Variants in AGBL1 observed in about 807,000 individuals in gnomAD.
AGBL1 encodes AGBL carboxypeptidase 1.
Under a neutral mutation model 118.9 loss-of-function variants are expected in AGBL1, and 130 were observed. The observed-to-expected ratio is 1.09, with a 90% CI of 0.95 to 1.26. The LOEUF is 1.26. Among genes scored for constraint, AGBL1 ranks in the 50% most tolerant of loss-of-function variants. The pLI, the probability that AGBL1 is intolerant of heterozygous loss-of-function variation, is 0.00. For missense variants in AGBL1, 1,584 were observed against 1,298.1 expected (o/e 1.22, Z -3.38); for synonymous variants, 555 against 478.9 (o/e 1.16, Z -2.08).
chr15:86,948,737 G>T (rs2080850324), intron 23 of AGBL1, among the ~76,000 whole-genome samples: 1 of 152,226 alleles, frequency 6.6e-6, no homozygotes, highest in African/African-American at 2.4e-5. Flanking sequence ...AATGAGCAGA[G>T]TGCCATTGAT....
At chr15:86,302,710 T>C (rs996097485) in intron 17 of AGBL1, among the ~76,000 whole-genome samples, 2 of 138,230 alleles carry the variant, frequency 1.4e-5, no homozygotes, top group Non-Finnish European at 3.0e-5. Flanking sequence ...TCCCAGGAGG[T>C]GGAGGTTACA....
At chr15:86,785,797 A>G (rs574002573) in intron 22 of AGBL1, among the ~76,000 whole-genome samples, 1 of 152,324 alleles carries the variant, frequency 6.6e-6, no homozygotes, top group African/African-American at 2.4e-5. Flanking sequence ...TCGAACCCCA[A>G]GAGAACTGAG....
At chr15:86,892,751 GA>G (rs903305100) in intron 22 of AGBL1, among the ~76,000 whole-genome samples, 1 of 151,028 alleles carries the variant, frequency 6.6e-6, no homozygotes, top group Non-Finnish European at 1.5e-5. Flanking sequence ...CTGGAGTTAA[GA>G]AAAAAAAACC....
chr15:86,208,994 C>T (rs1310786275), intron 5 of AGBL1, among the ~76,000 whole-genome samples: 3 of 152,050 alleles, frequency 2.0e-5, no homozygotes, highest in Non-Finnish European at 4.4e-5. Context: ...TAAATGTGTC[C>T]CAGAGATTAT....
intron 18 of AGBL1, among the ~76,000 whole-genome samples, chr15:86,441,223 T>A (rs1342892799): frequency 6.6e-6 from 1 of 152,172 alleles, no homozygotes; most frequent in East Asian, 1.9e-4. Context: ...TATAGTAAAT[T>A]TGGATGCGTG....
intron 21 of AGBL1, among the ~76,000 whole-genome samples, chr15:86,636,758 T>TAC (rs138402400): frequency 0.014 from 434 of 29,974 alleles, 147 homozygotes; most frequent in Middle Eastern, 0.023. Flanking sequence ...TATATATATA[T>TAC]ACACATACAT....
At chr15:86,683,073 C>A (rs552744623) in intron 22 of AGBL1, among the ~76,000 whole-genome samples, 2 of 152,186 alleles carry the variant, frequency 1.3e-5, no homozygotes, top group African/African-American at 2.4e-5. Flanking sequence ...AGATGAAAAG[C>A]AAAGCAGAGT....
At chr15:86,623,023 T>C (rs1023480285) in intron 21 of AGBL1, among the ~76,000 whole-genome samples, 4 of 152,100 alleles carry the variant, frequency 2.6e-5, no homozygotes, top group African/African-American at 9.7e-5. Flanking sequence ...CCTATGAGAA[T>C]CTAATGCCAC....
intron 22 of AGBL1, among the ~76,000 whole-genome samples, chr15:86,795,684 A>G (rs1490674657): frequency 2.7e-5 from 4 of 150,930 alleles, no homozygotes; most frequent in Non-Finnish European, 5.9e-5. Flanking sequence ...TCCTGGGTTC[A>G]AGCAATTCTC....
intron 24 of AGBL1, among the ~76,000 whole-genome samples, chr15:87,026,633 A>G (rs2081729427): frequency 2.0e-5 from 3 of 152,120 alleles, no homozygotes; most frequent in Non-Finnish European, 2.9e-5. Flanking sequence ...TGATCCAGCA[A>G]TCCCACTACT....
intron 1 of AGBL1, among the ~76,000 whole-genome samples, chr15:86,102,266 C>G (rs145056078): frequency 1.7e-4 from 26 of 152,284 alleles, no homozygotes; most frequent in African/African-American, 6.0e-4. Context: ...ATCTCAAACT[C>G]CTGACCTCAA....
chr15:86,753,304 C>T (rs2077882568), intron 22 of AGBL1, among the ~76,000 whole-genome samples: 1 of 151,766 alleles, frequency 6.6e-6, no homozygotes, highest in Admixed American at 6.6e-5. Flanking sequence ...GTTTTTATGT[C>T]TGCTTCAAGG....
At chr15:86,976,318 T>A (rs1360942184) in intron 23 of AGBL1, among the ~76,000 whole-genome samples, 1 of 151,510 alleles carries the variant, frequency 6.6e-6, no homozygotes, top group Non-Finnish European at 1.5e-5. Flanking sequence ...GTTCATAAAT[T>A]TTTTATTACA....
In AGBL1 at chr15:86,261,952, T is replaced by G. The variant is rs554114667; in HGVS notation, c.970-826T>G. Among the ~76,000 whole-genome samples, 3 of 152,278 alleles carry G rather than the reference T, an allele frequency of 2.0e-5. No homozygotes were observed. In the East Asian group the frequency reaches 5.8e-4, roughly 29 times the overall value. On this transcript the variant is annotated intron_variant, in intron 9 of 22. Transcript: ENST00000614907. The stretch of plus-strand genomic sequence containing the variant: ...GGATTGATATAATTTCTCTCCCGCC[T>G]ACTTCTCAAATCTCATCTCCTGCAA...
chr15:86,425,923 C>A (rs1395756698), intron 18 of AGBL1, among the ~76,000 whole-genome samples: 3 of 150,748 alleles, frequency 2.0e-5, no homozygotes, highest in Admixed American at 1.3e-4. Context: ...TATGGATGGA[C>A]AAAGACGTGT....
rs150314118 is a variant in AGBL1 at position 86,507,057 on chromosome 15, T to C, written c.2556-15753T>C. On this transcript the variant is annotated intron_variant, in intron 18 of 22. Transcript: ENST00000614907. Reference sequence around the variant, plus strand: ...GATCCATGAGACCTAACTATAAAGATGTTTTGATTTCTCATATTGCAAAAA... The same window carrying C: ...GATCCATGAGACCTAACTATAAAGACGTTTTGATTTCTCATATTGCAAAAA... Among the ~76,000 whole-genome samples, 194 of 152,206 alleles carry C rather than the reference T, an allele frequency of 1.3e-3. 3 individuals are homozygous for C. In the South Asian group the frequency reaches 0.022, roughly 17 times the overall value.
intron 5 of AGBL1, among the ~76,000 whole-genome samples, chr15:86,189,054 T>C (rs1018083351): frequency 1.3e-5 from 2 of 152,176 alleles, no homozygotes; most frequent in Admixed American, 6.5e-5. Context: ...AGCTTCAGAA[T>C]TGAGAAAATG....
chr15:86,599,045 G>T (rs1228546529), intron 21 of AGBL1, among the ~76,000 whole-genome samples: 1 of 152,088 alleles, frequency 6.6e-6, no homozygotes, highest in Admixed American at 6.6e-5. Context: ...CTCTTTCAAT[G>T]CTAAGAGTCT....
intron 17 of AGBL1, among the ~76,000 whole-genome samples, chr15:86,309,038 A>G (rs2079882370): frequency 6.6e-6 from 1 of 152,188 alleles, no homozygotes; most frequent in Admixed American, 6.5e-5. Context: ...TAACAATATT[A>G]TTTCAACCCA....
Sources: allele counts gnomAD v4.1 joint callset (sites outside exome capture counted in the v4.1 genomes callset), GRCh38; gene constraint gnomAD v4.1.1; transcripts MANE v1.5; gene names NCBI Gene and HGNC (gene_info 2026-07-23, HGNC 2026-07-21).